Variants in CDH26 observed in about 807,000 individuals in gnomAD.
The protein encoded by CDH26 is cadherin 26, also known as cadherin-like protein 26.
CDH26 carries 83 observed loss-of-function variants against 90.3 expected under a neutral mutation model. The ratio of observed to expected loss-of-function variants is 0.92; its 90% CI spans 0.77 to 1.10. The LOEUF (loss-of-function observed/expected upper bound fraction) is 1.10. Ranked by LOEUF, CDH26 falls within the 50% of genes least tolerant of loss-of-function variation. The pLI, the probability that CDH26 is intolerant of heterozygous loss-of-function variation, is 0.00. For missense variants in CDH26, 1,013 were observed against 1,037.6 expected, an observed-to-expected ratio of 0.98 and a Z score of 0.33; for synonymous variants, 397 against 396.3, an observed-to-expected ratio of 1.00 and a Z score of -0.02.
At chr20:59,962,349 G>A (rs796717304) in intron 1 of CDH26, among the ~76,000 whole-genome samples, 9 of 152,276 alleles carry the variant, frequency 5.9e-5, no homozygotes, top group African/African-American at 2.2e-4. Context: ...TGAAACCAAG[G>A]CGTCAGCAGG....
intron 7 of CDH26, chr20:60,031,206 A>G (rs571825139): frequency 9.2e-7 from 1 of 1,089,274 alleles, no homozygotes; most frequent in East Asian, 9.2e-5. Context: ...CCTTCTAATG[A>G]GCACCTCTTA....
chr20:60,034,892 G>A (rs1371617474), downstream of CDH26, among the ~76,000 whole-genome samples: 1 of 152,216 alleles, frequency 6.6e-6, no homozygotes, highest in Non-Finnish European at 1.5e-5. Flanking sequence ...TGGCTCAGAA[G>A]GCCTGACAAG....
intron 13 of CDH26, 31 bp downstream of exon 13, chr20:59,996,792 G>T (rs2061604052): frequency 1.2e-6 from 2 of 1,613,874 alleles, no homozygotes; most frequent in East Asian, 4.5e-5. Flanking sequence ...GTGTCTTATG[G>T]CAAGGAATTC....
intron 7 of CDH26, among the ~76,000 whole-genome samples, chr20:60,028,914 T>C (rs1441071329): frequency 6.6e-6 from 1 of 152,148 alleles, no homozygotes; most frequent in Non-Finnish European, 1.5e-5. Flanking sequence ...ACGGTCCCCA[T>C]GGTGTGGAAA....
At position 60,006,082 on chromosome 20, in the gene CDH26, A is replaced by G. The variant is rs547269191; in HGVS notation, c.2221-631A>G. 3.9e-5 allele frequency among the ~76,000 whole-genome samples: 6 copies of G among 152,178 alleles called. No homozygotes were observed. In the South Asian group the frequency reaches 1.2e-3, roughly 32 times the overall value. ...ACCTTCCCTTGGTGATCAGTCTTAC[A>G]TTTACCGCCACTCTTGGGTGCTTGC... is the stretch of plus-strand genomic sequence containing the variant. On this transcript the variant is annotated intron_variant, in intron 16 of 17. Transcript: ENST00000348616.
intron 7 of CDH26, among the ~76,000 whole-genome samples, 153 bp downstream of exon 7, chr20:59,985,282 A>G (rs1419376955): frequency 6.6e-6 from 1 of 152,156 alleles, no homozygotes; most frequent in Non-Finnish European, 1.5e-5. Context: ...AAGAGGTTTA[A>G]TTGGCTCATG....
chr20:60,021,939 T>G, intron 7 of CDH26, among the ~76,000 whole-genome samples: 1 of 143,620 alleles, frequency 7.0e-6, no homozygotes, highest in African/African-American at 2.6e-5. Flanking sequence ...TCATAGGCCT[T>G]TCGGTCTTGG....
chr20:59,990,456 C>T (rs997461326), intron 9 of CDH26, among the ~76,000 whole-genome samples: 1 of 152,178 alleles, frequency 6.6e-6, no homozygotes, highest in East Asian at 1.9e-4. Context: ...ACTCATTTCT[C>T]GTGCTTACTT....
chr20:59,976,652 G>A (rs1393272821), intron 4 of CDH26, among the ~76,000 whole-genome samples: 1 of 152,146 alleles, frequency 6.6e-6, no homozygotes, highest in Non-Finnish European at 1.5e-5. Context: ...ATTTAAAAAT[G>A]TATGCTGGAG....
At chr20:59,967,927 T>TC (rs551704975) in intron 1 of CDH26, among the ~76,000 whole-genome samples, 123 of 136,510 alleles carry the variant, frequency 9.0e-4, no homozygotes, top group Middle Eastern at 3.6e-3. Flanking sequence ...TCCTTTCCTT[T>TC]CCTTTCCCTT....
downstream of CDH26, among the ~76,000 whole-genome samples, chr20:60,015,840 A>G (rs1009382391): frequency 3.9e-5 from 6 of 152,192 alleles, no homozygotes; most frequent in Non-Finnish European, 5.9e-5. Flanking sequence ...TCTTCTGCAT[A>G]TAGATACCTA....
chr20:59,996,993 A>T (rs763458868), intron 13 of CDH26, among the ~76,000 whole-genome samples: 9 of 152,244 alleles, frequency 5.9e-5, no homozygotes, highest in Admixed American at 2.6e-4. Flanking sequence ...GGAGATATTC[A>T]TCAATGCCTG....
intron 7 of CDH26, among the ~76,000 whole-genome samples, chr20:59,985,662 T>C (rs796632208): frequency 7.2e-5 from 11 of 152,220 alleles, no homozygotes; most frequent in African/African-American, 2.6e-4. Context: ...CTCCAATCTA[T>C]ATCGCGCAGT....
chr20:60,002,568 G>C (rs373760783), intron 15 of CDH26, among the ~76,000 whole-genome samples: 1 of 152,060 alleles, frequency 6.6e-6, no homozygotes, highest in African/African-American at 2.4e-5. Flanking sequence ...ATGGCAAAAG[G>C]AAATCTTACT....
intron 1 of CDH26, among the ~76,000 whole-genome samples, chr20:59,961,930 T>G (rs1409649119): frequency 6.6e-6 from 1 of 152,202 alleles, no homozygotes; most frequent in Non-Finnish European, 1.5e-5. Context: ...ACTTATGATT[T>G]TTTGTTGTTG....
At chr20:59,972,382 C>A (rs190845893) in intron 4 of CDH26, among the ~76,000 whole-genome samples, 1 of 152,064 alleles carries the variant, frequency 6.6e-6, no homozygotes, top group Non-Finnish European at 1.5e-5. Context: ...CTAGCATGAT[C>A]GGGATATCAG....
intron 1 of CDH26, among the ~76,000 whole-genome samples, chr20:59,962,630 C>T (rs1202687933): frequency 6.6e-6 from 1 of 152,160 alleles, no homozygotes; most frequent in Non-Finnish European, 1.5e-5. Flanking sequence ...AATAAGGTCC[C>T]GTTCACAGGT....
At chr20:59,964,893 A>C (rs548696543) in intron 1 of CDH26, among the ~76,000 whole-genome samples, 13 of 152,344 alleles carry the variant, frequency 8.5e-5, no homozygotes, top group South Asian at 4.1e-4. Flanking sequence ...CCCAGAGGGA[A>C]CAAGAAACCT....
chr20:60,023,817 G>A (rs1276913046), intron 7 of CDH26, among the ~76,000 whole-genome samples: 1 of 152,192 alleles, frequency 6.6e-6, no homozygotes, highest in African/African-American at 2.4e-5. Flanking sequence ...TTTCTGCAAA[G>A]CAGCCTGCTT....
Sources: allele counts gnomAD v4.1 joint callset (sites outside exome capture counted in the v4.1 genomes callset), GRCh38; gene constraint gnomAD v4.1.1; transcripts MANE v1.5; gene names NCBI Gene and HGNC (gene_info 2026-07-23, HGNC 2026-07-21).